The following KIF27 variants were observed in gnomAD, a reference collection of about 807,000 sequenced individuals.
The protein encoded by KIF27 is kinesin-like protein KIF27.
Under a neutral mutation model 141.8 loss-of-function variants are expected in KIF27, and 84 were observed. The ratio of observed to expected loss-of-function variants is 0.59; its 90% CI spans 0.50 to 0.71. The LOEUF is 0.71. KIF27 is among the 30% of genes least tolerant of loss of function. The probability of loss-of-function intolerance (pLI) is 0.00; values close to 1 mark genes in which losing one functional copy is unlikely to be tolerated. For synonymous variants in KIF27, 471 were observed against 569.5 expected (o/e 0.83, Z 2.46); for missense variants, 1,306 against 1,628.4 (o/e 0.80, Z 3.41).
At chr9:83,846,683 C>A (rs955925178) in intron 16 of KIF27, among the ~76,000 whole-genome samples, 2 of 152,178 alleles carry the variant, frequency 1.3e-5, no homozygotes, top group Admixed American at 1.3e-4. Context: ...GTGGAAGTGG[C>A]ACCACCCACC....
At chr9:83,902,883 A>T (rs1276741441) in intron 4 of KIF27, among the ~76,000 whole-genome samples, 177 bp downstream of exon 4, 9 of 152,108 alleles carry the variant, frequency 5.9e-5, no homozygotes, top group East Asian at 1.9e-4. Context: ...ATCATTTTTT[A>T]AAAAAACCTG....
At chr9:83,846,499 G>A (rs996820097) in intron 16 of KIF27, among the ~76,000 whole-genome samples, 22 of 152,220 alleles carry the variant, frequency 1.4e-4, no homozygotes, top group Non-Finnish European at 2.4e-4. Context: ...TAGATTGATG[G>A]AACGGTGGAA....
chr9:83,899,113 C>T (rs1334531090), intron 5 of KIF27, among the ~76,000 whole-genome samples: 5 of 152,046 alleles, frequency 3.3e-5, no homozygotes, highest in Non-Finnish European at 7.4e-5. Context: ...AAGCTAAAGG[C>T]TTTAAATGAT....
intron 17 of KIF27, among the ~76,000 whole-genome samples, chr9:83,840,449 CTGTT>C (rs1184730588): frequency 3.9e-5 from 6 of 152,074 alleles, no homozygotes; most frequent in Admixed American, 6.5e-5. Flanking sequence ...TTAGATTTGT[CTGTT>C]TGTTTGGTTA....
At chr9:83,899,919 T>C in intron 4 of KIF27, 115 bp from the exon 5 acceptor site, 1 of 794,584 alleles carries the variant, frequency 1.3e-6, no homozygotes, top group Non-Finnish European at 1.9e-6. Context: ...CATAAATTTT[T>C]TTTCATTTTC....
In KIF27 at chr9:83,853,839, G is replaced by C. The variant is rs1564303036; in HGVS notation, c.3151-4C>G. The C allele has an allele frequency of 6.3e-7, 1 of 1,577,144 alleles. No individual in the cohort carries two copies. The highest frequency in any genetic ancestry group is 1.1e-5 in the South Asian group (1 of 90,276). On this transcript the variant is annotated splice_polypyrimidine_tract_variant and splice_region_variant and intron_variant, in intron 14 of 17. Coordinates refer to ENST00000297814, the MANE Select transcript of KIF27 (RefSeq NM_017576.4). ...GTTGGAAAAGAACATGTTCTTCCTA[G>C]ATATAACAGAAATCACTCATTTTAA...
chr9:83,837,707 A>G (rs1271991808), intron 17 of KIF27: 2 of 388,538 alleles, frequency 5.1e-6, no homozygotes, highest in African/African-American at 4.2e-5. Context: ...ACTTTAATTC[A>G]TGGAACAAAT....
intron 5 of KIF27, among the ~76,000 whole-genome samples, chr9:83,896,848 T>C (rs1231563329): frequency 1.3e-5 from 2 of 152,188 alleles, no homozygotes; most frequent in Non-Finnish European, 1.5e-5. Flanking sequence ...ATTCCAGTTG[T>C]ATGAAATGTT....
chr9:83,872,482 T>A (rs1360166884), intron 11 of KIF27, among the ~76,000 whole-genome samples: 1 of 152,190 alleles, frequency 6.6e-6, no homozygotes, highest in Non-Finnish European at 1.5e-5. Context: ...AAGTACACAA[T>A]TGAAAGTGCT....
At chr9:83,895,831 G>T (rs1401537311) in intron 5 of KIF27, among the ~76,000 whole-genome samples, 1 of 152,044 alleles carries the variant, frequency 6.6e-6, no homozygotes. Context: ...GCCAAGGCAG[G>T]TAGATCATTT....
intron 13 of KIF27, among the ~76,000 whole-genome samples, chr9:83,864,911 G>T (rs7040843): frequency 2.6e-5 from 4 of 151,974 alleles, no homozygotes; most frequent in South Asian, 2.1e-4. Context: ...GTTGAATTGA[G>T]CCCTTTACCA....
At chr9:83,861,087 C>G (rs1949853597) in intron 13 of KIF27, among the ~76,000 whole-genome samples, 1 of 151,932 alleles carries the variant, frequency 6.6e-6, no homozygotes, top group African/African-American at 2.4e-5. Context: ...TAGACGCTTT[C>G]AGGACCTTCT....
chr9:83,849,215 G>A (rs1156536838), intron 16 of KIF27, among the ~76,000 whole-genome samples: 1 of 152,162 alleles, frequency 6.6e-6, no homozygotes, highest in Non-Finnish European at 1.5e-5. Flanking sequence ...CTAAACTAAG[G>A]TAAGGAGAGC....
intron 3 of KIF27, among the ~76,000 whole-genome samples, chr9:83,906,511 C>G (rs947585129): frequency 2.3e-4 from 35 of 151,888 alleles, no homozygotes; most frequent in Middle Eastern, 6.8e-3. Flanking sequence ...GAGGCCAAAG[C>G]AGGCAGATCT....
At chr9:83,919,693 G>A (rs1023342928) in intron 1 of KIF27, among the ~76,000 whole-genome samples, 6 of 144,448 alleles carry the variant, frequency 4.2e-5, no homozygotes, top group African/African-American at 1.5e-4. Flanking sequence ...CCAGGAGTTC[G>A]AGACCAGCCT....
intron 15 of KIF27, among the ~76,000 whole-genome samples, chr9:83,852,811 T>G (rs1948763495): frequency 6.6e-6 from 1 of 152,122 alleles, no homozygotes; most frequent in African/African-American, 2.4e-5. Context: ...GTATTTTTTG[T>G]AGAGAAAGGA....
chr9:83,884,704 A>G (rs897540358), intron 9 of KIF27, among the ~76,000 whole-genome samples: 2 of 152,204 alleles, frequency 1.3e-5, no homozygotes, highest in Non-Finnish European at 2.9e-5. Flanking sequence ...AACACCAATC[A>G]GTCCATATTC....
intron 11 of KIF27, among the ~76,000 whole-genome samples, chr9:83,878,252 A>T (rs2132161439): frequency 6.6e-6 from 1 of 151,878 alleles, no homozygotes; most frequent in African/African-American, 2.4e-5. Flanking sequence ...GGAAAGAAAC[A>T]GGTGTTGACA....
intron 2 of KIF27, 54 bp from the exon 3 acceptor site, chr9:83,908,706 A>G: frequency 9.1e-7 from 1 of 1,098,954 alleles, no homozygotes; most frequent in Non-Finnish European, 1.3e-6. Flanking sequence ...AAGCAAAGCT[A>G]CAACCCCAAA....
Sources: gnomAD v4.1 joint callset for allele counts (sites outside exome capture counted in the v4.1 genomes callset) on GRCh38, gnomAD v4.1.1 for gene constraint, MANE v1.5 for transcripts, NCBI Gene and HGNC (gene_info 2026-07-23, HGNC 2026-07-21) for gene names.